LRBA: variants seen among roughly 807,000 people sequenced by gnomAD.
The protein encoded by LRBA is LPS responsive beige-like anchor protein, also known as lipopolysaccharide-responsive and beige-like anchor protein.
LRBA carries 176 observed loss-of-function variants against 330.0 expected under a neutral mutation model. That is an observed-to-expected ratio of 0.53 (90% CI 0.47 to 0.60). The LOEUF is 0.60. LRBA is among the 20% of genes least tolerant of loss of function. The pLI is 0.00. For missense variants in LRBA, 3,259 were observed against 3,444.8 expected (o/e 0.95, Z 1.35); for synonymous variants, 1,230 against 1,193.0 (o/e 1.03, Z -0.64).
At chr4:150,964,467 A>C (rs559430717) in intron 2 of LRBA, among the ~76,000 whole-genome samples, 5 of 145,488 alleles carry the variant, frequency 3.4e-5, no homozygotes, top group Middle Eastern at 6.9e-3. Context: ...ACTCCATTTC[A>C]TTCTGTACTA....
In LRBA at chr4:150,928,672, T is replaced by C. The variant is rs1734137195; in HGVS notation, c.449-56A>G. On this transcript the variant is annotated intron_variant, in intron 3 of 56. Coordinates refer to ENST00000651943, the MANE Select transcript of LRBA (RefSeq NM_001364905.1). ...CAGCTAGTTATATTTCTCGAATATTTAAAATAAACTGTGCTTATTTAAGGG... is the reference window on the plus strand; with the variant it reads ...CAGCTAGTTATATTTCTCGAATATTCAAAATAAACTGTGCTTATTTAAGGG... 4.9e-6 allele frequency: 7 copies of C among 1,429,980 alleles called. No homozygotes were observed. The Admixed American group carries it at 9.3e-5, about 19-fold the overall frequency. The allele number at this position is 1,429,980 out of a possible 1,614,324, so 88.6% of individuals were successfully genotyped here.
chr4:150,611,990 C>A (rs1357142454), intron 37 of LRBA, among the ~76,000 whole-genome samples: 1 of 152,132 alleles, frequency 6.6e-6, no homozygotes, highest in Non-Finnish European at 1.5e-5. Context: ...GCAACTTCAA[C>A]ATCGCAGGCT....
chr4:150,975,392 GGT>G, intron 2 of LRBA, among the ~76,000 whole-genome samples: 1 of 152,016 alleles, frequency 6.6e-6, no homozygotes, highest in Middle Eastern at 3.4e-3. Flanking sequence ...TGGGTGTGGT[GGT>G]GCATGCCTGT....
chr4:150,412,497 T>C (rs1747144892), intron 47 of LRBA, among the ~76,000 whole-genome samples: 1 of 152,120 alleles, frequency 6.6e-6, no homozygotes, highest in Non-Finnish European at 1.5e-5. Flanking sequence ...TCTTCTGAGG[T>C]GAAGGCAGTG....
intron 37 of LRBA, among the ~76,000 whole-genome samples, chr4:150,616,889 C>A (rs930247551): frequency 6.6e-6 from 1 of 152,096 alleles, no homozygotes. Context: ...TAGACCCTGA[C>A]ACATCGTAAG....
intron 48 of LRBA, among the ~76,000 whole-genome samples, chr4:150,331,768 A>C (rs6834124): frequency 0.2 from 29,819 of 152,050 alleles, 3,119 homozygotes; most frequent in East Asian, 0.26. Flanking sequence ...TTAAGTTGCA[A>C]ATTTGATTAT....
rs76407873 is a variant in LRBA, at chr4:150,459,679, C to T, written c.6780+7994G>A. ...CTACAAATACGTTGGGAACTCTCCC[C>T]ATATCATTTTTATGCTTATTAGACT... On this transcript the variant is annotated intron_variant, in intron 44 of 56. Coordinates refer to ENST00000651943, the MANE Select transcript of LRBA (RefSeq NM_001364905.1). Among the ~76,000 whole-genome samples, 504 of 152,006 alleles carry T rather than the reference C, an allele frequency of 3.3e-3. 1 individual carries two copies. Among genetic ancestry groups the T allele is most frequent in the Middle Eastern group, 0.017 (5 of 294 alleles).
chr4:150,740,639 A>C (rs951095685), intron 35 of LRBA, among the ~76,000 whole-genome samples: 1 of 80,356 alleles, frequency 1.2e-5, no homozygotes, highest in African/African-American at 3.9e-5. Context: ...AACAGAAAGA[A>C]TGGTAAAAAA....
chr4:150,608,607 T>C (rs1323637366), intron 37 of LRBA, among the ~76,000 whole-genome samples: 1 of 152,248 alleles, frequency 6.6e-6, no homozygotes, highest in Non-Finnish European at 1.5e-5. Context: ...TGATATATAA[T>C]GTATACACCA....
Position 150,393,393 on chromosome 4 carries a change from TC to T in LRBA, c.7194+22044del, listed in dbSNP as rs573233334. ...GTCAGGCATTATAATAAACTCTTTC[TC>T]CCCCCCACCTCTACAATTCTAGACT... is the stretch of plus-strand genomic sequence containing the variant. On this transcript the variant is annotated intron_variant, in intron 47 of 56. Transcript: ENST00000651943. Among the ~76,000 whole-genome samples the T allele has an allele frequency of 8.4e-3, 1,279 of 151,604 alleles. 16 individuals are homozygous for T. The highest frequency in any genetic ancestry group is 0.029 in the African/African-American group (1,217 of 41,292).
intron 47 of LRBA, among the ~76,000 whole-genome samples, chr4:150,363,412 A>G (rs1739002041): frequency 6.6e-6 from 1 of 152,204 alleles, no homozygotes; most frequent in South Asian, 2.1e-4. Flanking sequence ...CTCTCTACAC[A>G]TAATGTTAAA....
rs1780105648 is a variant in LRBA at position 150,655,576 on chromosome 4, C to CACT, written c.5921+27974_5921+27975insAGT. On this transcript the variant is annotated intron_variant, in intron 37 of 56. Transcript: ENST00000651943. ...TTGTGTTTTCTCCAGCAATGTACAC[C>CACT]TTTTTAGCAAGAGCAATCCACTCAA... 2.6e-5 allele frequency among the ~76,000 whole-genome samples: 4 copies of CACT among 152,242 alleles called. No individual in the cohort carries two copies. In the South Asian group the frequency reaches 8.3e-4, roughly 32 times the overall value.
At chr4:150,779,846 C>G (rs533285347) in intron 34 of LRBA, among the ~76,000 whole-genome samples, 2 of 152,134 alleles carry the variant, frequency 1.3e-5, no homozygotes, top group South Asian at 4.2e-4. Flanking sequence ...GTATGTTACA[C>G]CAGTTTAAAA....
chr4:150,992,049 C>T (rs1024019879), intron 2 of LRBA, among the ~76,000 whole-genome samples: 7 of 152,212 alleles, frequency 4.6e-5, no homozygotes, highest in African/African-American at 1.7e-4. Flanking sequence ...GGCGCAGTGG[C>T]TCATGCCTGT....
At chr4:150,974,330 A>G (rs1335609503) in intron 2 of LRBA, among the ~76,000 whole-genome samples, 1 of 152,172 alleles carries the variant, frequency 6.6e-6, no homozygotes, top group African/African-American at 2.4e-5. Context: ...TGCTCTAGAA[A>G]TCTTAGTAGT....
intron 53 of LRBA, among the ~76,000 whole-genome samples, chr4:150,297,305 T>C (rs1331021451): frequency 1.3e-5 from 2 of 152,224 alleles, no homozygotes. Flanking sequence ...AATTCCTTTT[T>C]ACCACATCTA....
At chr4:150,945,751 G>GA (rs1736168486) in intron 2 of LRBA, among the ~76,000 whole-genome samples, 1 of 151,758 alleles carries the variant, frequency 6.6e-6, no homozygotes, top group African/African-American at 2.4e-5. Context: ...AATTTTTGAG[G>GA]AAAAATCTCC....
intron 56 of LRBA, among the ~76,000 whole-genome samples, chr4:150,273,624 C>T (rs1191436330): frequency 6.6e-6 from 1 of 150,674 alleles, no homozygotes; most frequent in Non-Finnish European, 1.5e-5. Flanking sequence ...GAAGATTTTC[C>T]AAGCAAATGG....
chr4:150,332,639 T>C (rs1734133164), intron 48 of LRBA, among the ~76,000 whole-genome samples: 1 of 118,418 alleles, frequency 8.4e-6, no homozygotes, highest in South Asian at 2.8e-4. Context: ...TAGTGTTGAA[T>C]AAAATATTAT....
Sources: allele counts gnomAD v4.1 joint callset (sites outside exome capture counted in the v4.1 genomes callset), GRCh38; gene constraint gnomAD v4.1.1; transcripts MANE v1.5; gene names NCBI Gene and HGNC (gene_info 2026-07-23, HGNC 2026-07-21).